The following VPS13C variants were observed in gnomAD, a reference collection of about 807,000 sequenced individuals.
VPS13C encodes intermembrane lipid transfer protein VPS13C.
In VPS13C, 358 loss-of-function variants were observed where a neutral mutation model predicts 456.8. The observed-to-expected ratio is 0.78, with a 90% CI of 0.72 to 0.86. The LOEUF is 0.86. Among genes scored for constraint, VPS13C ranks in the 40% least tolerant of loss-of-function variants. The probability of loss-of-function intolerance (pLI) is 0.00; values close to 1 mark genes in which losing one functional copy is unlikely to be tolerated. For missense variants in VPS13C, 4,818 were observed against 4,385.4 expected, an observed-to-expected ratio of 1.10 and a Z score of -2.79; for synonymous variants, 1,578 against 1,486.7, an observed-to-expected ratio of 1.06 and a Z score of -1.41.
intron 81 of VPS13C, chr15:61,864,947 G>A (rs1566954487): frequency 1.0e-6 from 1 of 979,510 alleles, no homozygotes; most frequent in Middle Eastern, 5.3e-4. Flanking sequence ...TTTCTATCTT[G>A]TATGTATTTT....
rs1320194311 is a variant in VPS13C at position 62,003,664 on chromosome 15, A to C, written c.1291-3038T>G. On this transcript the variant is annotated intron_variant, in intron 15 of 84. Coordinates refer to ENST00000644861, the MANE Select transcript of VPS13C (RefSeq NM_020821.3). ...TGATATTGGCTGTGGGTTTTTCATA[A>C]ATAGCTCTTATTATTTTGAGATACA... 5.3e-5 allele frequency among the ~76,000 whole-genome samples: 8 copies of C among 151,774 alleles called. No individual in the cohort carries two copies. In the South Asian group the frequency reaches 1.3e-3, roughly 24 times the overall value.
intron 47 of VPS13C, among the ~76,000 whole-genome samples, chr15:61,938,626 T>A (rs574437120): frequency 3.3e-4 from 50 of 152,326 alleles, no homozygotes; most frequent in South Asian, 1.0e-3. Flanking sequence ...AAGTATCAGA[T>A]GTTACTTTTT....
In VPS13C at chr15:62,045,884, A is replaced by G. The variant is rs6494303; in HGVS notation, c.101-1629T>C. ...AGTAGAAAGACATGGGAAAATGTTC[A>G]CAGAATATTGAGTTTTTTAAAAAGT... On this transcript the variant is annotated intron_variant, in intron 1 of 84. Transcript: ENST00000644861. Among the ~76,000 whole-genome samples the G allele has an allele frequency of 5.8e-3, 885 of 152,302 alleles. 8 individuals are homozygous for G. The highest frequency in any genetic ancestry group is 0.02 in the African/African-American group (844 of 41,586).
chr15:61,991,554 T>C (rs2046222888), intron 17 of VPS13C, 119 bp downstream of exon 17: 3 of 1,125,044 alleles, frequency 2.7e-6, no homozygotes, highest in African/African-American at 1.6e-5. Context: ...ATATATTTAC[T>C]ATACTGAGGT....
intron 22 of VPS13C, among the ~76,000 whole-genome samples, chr15:61,979,482 G>A (rs2045807853): frequency 6.6e-6 from 1 of 152,144 alleles, no homozygotes; most frequent in African/African-American, 2.4e-5. Context: ...TGAAAGAATG[G>A]TGAAATCAGT....
chr15:61,991,917 T>C lies in VPS13C; in HGVS notation c.1354-115A>G, dbSNP rs1248696075. ...TTTTTTTTTTAACGCTACGTAACAT[T>C]GCACCAGTCAAGATCTTAAATGATG... On this transcript the variant is annotated intron_variant, in intron 16 of 84. Transcript: ENST00000644861. The C allele has an allele frequency of 3.5e-6, 4 of 1,129,272 alleles. No homozygotes were observed. The African/African-American group carries it at 6.3e-5, about 18-fold the overall frequency. 70.0% of individuals were successfully genotyped at this position (1,129,272 alleles called of 1,614,324 possible).
chr15:61,917,543 C>A lies in VPS13C; in HGVS notation c.7853G>T (p.Ser2618Ile). The change falls in exon 60 of 85, where the codon AGC becomes ATC. Residue 2618 changes from serine to isoleucine, a missense_variant. Physicochemically the swap from Ser to Ile is moderately radical, Grantham distance 142 (BLOSUM62 -2). Coordinates refer to ENST00000644861, the MANE Select transcript of VPS13C (RefSeq NM_020821.3). ...CTGCAACATGCATCTGACTTCCCTG[C>A]TCCTATGAAGTTCTTCCTTCCAGGA... is the stretch of plus-strand genomic sequence containing the variant. ...YISWKEELHR[S>I]REVRCMLQCP... 3 of 1,614,014 alleles carry A rather than the reference C, an allele frequency of 1.9e-6. No individual in the cohort carries two copies. In the South Asian group the frequency reaches 3.3e-5, roughly 18 times the overall value.
intron 16 of VPS13C, among the ~76,000 whole-genome samples, chr15:61,992,360 T>C (rs1317013709): frequency 1.3e-5 from 2 of 152,154 alleles, no homozygotes; most frequent in African/African-American, 2.4e-5. Context: ...CAGAGAAATA[T>C]GGATGAATAA....
intron 59 of VPS13C, 65 bp from the exon 60 acceptor site, chr15:61,917,700 A>C: frequency 6.6e-7 from 1 of 1,520,954 alleles, no homozygotes. Flanking sequence ...GCATCTCATT[A>C]AATCTTCCTG....
Position 61,945,829 on chromosome 15 carries a change from T to C in VPS13C, c.5034A>G (p.Pro1678=). ...EVFRFQLTLY[P]DATEGEAYAD... ...CATAGGCCTCTCCTTCTGTGGCATC[T>C]GGATAAAGAGTCAGTTGGAACCTAA... The change falls in exon 45 of 85, where the codon CCA becomes CCG. Residue 1678 remains proline, a synonymous_variant. Coordinates refer to ENST00000644861, the MANE Select transcript of VPS13C (RefSeq NM_020821.3). 6.2e-7 allele frequency: 1 copy of C among 1,613,170 alleles called. No homozygotes were observed. Among genetic ancestry groups the C allele is most frequent in the Non-Finnish European group, 8.5e-7 (1 of 1,179,668 alleles).
At chr15:62,009,570 A>G (rs2046974282) in intron 13 of VPS13C, among the ~76,000 whole-genome samples, 1 of 152,234 alleles carries the variant, frequency 6.6e-6, no homozygotes, top group Non-Finnish European at 1.5e-5. Flanking sequence ...GGAAATATTA[A>G]GTTAAATAAA....
intron 1 of VPS13C, among the ~76,000 whole-genome samples, chr15:62,048,562 A>G (rs533502736): frequency 6.6e-6 from 1 of 152,266 alleles, no homozygotes; most frequent in South Asian, 2.1e-4. Context: ...CGCAATAAAC[A>G]TATGTGAGCA....
In VPS13C at chr15:62,037,298, TAA is replaced by T. The variant is rs1567136807; in HGVS notation, c.188-2248_188-2247del. Among the ~76,000 whole-genome samples the T allele has an allele frequency of 7.7e-4, 58 of 75,406 alleles. 9 individuals are homozygous for T. Among genetic ancestry groups the T allele is most frequent in the Middle Eastern group, 7.9e-3 (1 of 126 alleles). 49.5% of individuals were successfully genotyped at this position (75,406 alleles called of 152,430 possible). A position where few individuals can be genotyped will look rare whatever the true frequency, so the allele number is the denominator to read the frequency against. The stretch of plus-strand genomic sequence containing the variant: ...AATATATTATATATATTATATTATA[TAA>T]TATATATATAAATATATTATATATT... On this transcript the variant is annotated intron_variant, in intron 3 of 84. Coordinates refer to ENST00000644861, the MANE Select transcript of VPS13C (RefSeq NM_020821.3).
intron 1 of VPS13C, among the ~76,000 whole-genome samples, chr15:62,053,227 G>A (rs1384119241): frequency 6.6e-6 from 1 of 152,082 alleles, no homozygotes; most frequent in East Asian, 1.9e-4. Flanking sequence ...TGGCTGGGAG[G>A]AAAAGACTAA....
chr15:62,020,055 A>C (rs189683979), intron 9 of VPS13C, among the ~76,000 whole-genome samples: 106 of 151,612 alleles, frequency 7.0e-4, no homozygotes, highest in African/African-American at 2.4e-3. Context: ...AAAATAATCA[A>C]AATAAATTAA....
At chr15:62,054,729 T>C (rs2048731888) in intron 1 of VPS13C, among the ~76,000 whole-genome samples, 2 of 146,734 alleles carry the variant, frequency 1.4e-5, no homozygotes, top group Non-Finnish European at 3.0e-5. Flanking sequence ...GAACTTAAAG[T>C]AGAAGTAAAA....
intron 48 of VPS13C, 95 bp from the exon 49 acceptor site, chr15:61,934,426 C>G: frequency 1.6e-6 from 1 of 606,666 alleles, no homozygotes. Context: ...TTATATGACG[C>G]TTTCTGGGAT....
rs771908102 is a variant in VPS13C at position 61,918,190 on chromosome 15, C to T, written c.7706G>A (p.Arg2569His). ...KFVKNVKLLE[R>H]IGIARPEEEF... ...CTCTTCAGGTCTGGCTATCCCAATG[C>T]GCTCCAATAGCTTAACATTCTTAAC... The change falls in exon 59 of 85, where the codon CGC (arginine) becomes CAC (histidine). Residue 2569 changes from arginine (R) to histidine (H), a missense_variant. Physicochemically the swap from Arg to His is conservative, Grantham distance 29. Transcript: ENST00000644861. The T allele has an allele frequency of 1.1e-5, 18 of 1,599,584 alleles. No homozygotes were observed. The highest frequency in any genetic ancestry group is 1.4e-5 in the African/African-American group (1 of 73,970).
rs1303668699 is a variant in VPS13C at position 61,954,314 on chromosome 15, CA to C, written c.4299+106del. 3.0e-5 allele frequency: 37 copies of C among 1,250,920 alleles called. No homozygotes were observed. The East Asian group carries it at 9.1e-4, about 31-fold the overall frequency. The allele number at this position is 1,250,920 out of a possible 1,614,324, so 77.5% of individuals were successfully genotyped here. A position where few individuals can be genotyped will look rare whatever the true frequency, so the allele number is the denominator to read the frequency against. On this transcript the variant is annotated intron_variant, in intron 38 of 84. Transcript: ENST00000644861. ...ATCACTGCTACATGTGAACAGCCCA[CA>C]TAGATTTTTTTCATCAGTATCAATT... is the stretch of plus-strand genomic sequence containing the variant.
Sources: gnomAD v4.1 joint callset for allele counts (sites outside exome capture counted in the v4.1 genomes callset) on GRCh38, gnomAD v4.1.1 for gene constraint, MANE v1.5 for transcripts, NCBI Gene and HGNC (gene_info 2026-07-23, HGNC 2026-07-21) for gene names.